Variants in MAP3K20 observed in about 807,000 individuals in gnomAD.
MAP3K20 encodes the protein mitogen-activated protein kinase kinase kinase 20.
A neutral mutation model predicts 85.7 loss-of-function variants in MAP3K20; 40 were observed. The ratio of observed to expected loss-of-function variants is 0.47; its 90% CI spans 0.36 to 0.61. MAP3K20 has a LOEUF of 0.61. MAP3K20 is among the 20% of genes least tolerant of loss of function. The pLI is 0.00. For synonymous variants in MAP3K20, 325 were observed against 327.7 expected (o/e 0.99, Z 0.09); for missense variants, 817 against 961.7 (o/e 0.85, Z 1.99).
intron 2 of MAP3K20, among the ~76,000 whole-genome samples, chr2:173,133,820 TA>T (rs796823000): frequency 1.6e-3 from 229 of 141,706 alleles, no homozygotes; most frequent in East Asian, 6.3e-3. Flanking sequence ...CCATCTCTAC[TA>T]AAAAAAAAAA....
At chr2:173,159,546 C>T (rs191411340) in intron 2 of MAP3K20, among the ~76,000 whole-genome samples, 206 of 152,086 alleles carry the variant, frequency 1.4e-3, no homozygotes, top group African/African-American at 4.4e-3. Flanking sequence ...CATGCCACTA[C>T]GCCTGGCTAA....
At chr2:173,083,429 C>CTG (rs1317260245) in intron 1 of MAP3K20, among the ~76,000 whole-genome samples, 3 of 152,058 alleles carry the variant, frequency 2.0e-5, no homozygotes, top group African/African-American at 7.2e-5. Flanking sequence ...TCATAGCTCA[C>CTG]TGCAGCCTCG....
intron 3 of MAP3K20, among the ~76,000 whole-genome samples, chr2:173,172,544 A>G (rs1438788239): frequency 6.6e-6 from 1 of 152,100 alleles, no homozygotes; most frequent in Non-Finnish European, 1.5e-5. Context: ...GAATGAAGGG[A>G]CTACAATACA....
intron 2 of MAP3K20, among the ~76,000 whole-genome samples, chr2:173,155,254 A>G (rs188855224): frequency 6.6e-6 from 1 of 152,150 alleles, no homozygotes; most frequent in Admixed American, 6.5e-5. Context: ...CTAATGTGAG[A>G]GTATTCATAG....
rs147398007 is a variant in MAP3K20 at position 173,248,465 on chromosome 2, C to T, written c.1359+8969C>T. The stretch of plus-strand genomic sequence containing the variant: ...TTTTAATTGAGCAAAGAAGCAAATG[C>T]AGTTCAGAATTTTACAACTGCATAA... On this transcript the variant is annotated intron_variant, in intron 16 of 19. Transcript: ENST00000375213. 1.3e-4 allele frequency among the ~76,000 whole-genome samples: 20 copies of T among 152,270 alleles called. 1 individual carries two copies. The East Asian group carries it at 3.9e-3, about 29-fold the overall frequency.
chr2:173,232,650 C>T (rs1272380326), intron 14 of MAP3K20, among the ~76,000 whole-genome samples, 191 bp downstream of exon 14: 3 of 152,174 alleles, frequency 2.0e-5, no homozygotes, highest in Admixed American at 6.5e-5. Context: ...ATTACAGAAG[C>T]GTGCCACCAC....
intron 2 of MAP3K20, among the ~76,000 whole-genome samples, chr2:173,119,912 T>C (rs1333848093): frequency 1.3e-5 from 2 of 152,138 alleles, no homozygotes; most frequent in Non-Finnish European, 2.9e-5. Flanking sequence ...ATCATAAAGT[T>C]AGCCTCTAAC....
At chr2:173,179,334 G>GTTC (rs1399964466) in intron 3 of MAP3K20, among the ~76,000 whole-genome samples, 2 of 150,670 alleles carry the variant, frequency 1.3e-5, no homozygotes, top group Non-Finnish European at 2.9e-5. Context: ...GGAGCTTGCA[G>GTTC]TGAGTCGAGT....
intron 9 of MAP3K20, among the ~76,000 whole-genome samples, chr2:173,204,398 C>T (rs1401384479): frequency 1.3e-5 from 2 of 152,322 alleles, no homozygotes; most frequent in South Asian, 2.1e-4. Context: ...CTCTTAACCA[C>T]TGCACTATTT....
intron 2 of MAP3K20, among the ~76,000 whole-genome samples, chr2:173,113,955 C>G (rs955913009): frequency 1.3e-5 from 2 of 151,928 alleles, no homozygotes; most frequent in African/African-American, 4.8e-5. Context: ...GACTTTCTGT[C>G]TTGATGACCT....
chr2:173,104,385 G>T (rs1258346233), intron 2 of MAP3K20, among the ~76,000 whole-genome samples: 1 of 152,142 alleles, frequency 6.6e-6, no homozygotes, highest in Non-Finnish European at 1.5e-5. Flanking sequence ...TGGCCCCAGT[G>T]CTCCTCAAGA....
chr2:173,155,726 G>A (rs921671034), intron 2 of MAP3K20, among the ~76,000 whole-genome samples: 2 of 152,164 alleles, frequency 1.3e-5, no homozygotes, highest in African/African-American at 2.4e-5. Flanking sequence ...GAACTTTAGG[G>A]TTTTGGCAAG....
chr2:173,191,010 G>GA, intron 6 of MAP3K20, 30 bp from the exon 7 acceptor site: 1 of 1,611,358 alleles, frequency 6.2e-7, no homozygotes, highest in East Asian at 2.2e-5. Context: ...CCAATAAGTA[G>GA]AAAGTTGACA....
chr2:173,182,783 G>T, intron 3 of MAP3K20, 71 bp from the exon 4 acceptor site: 1 of 1,079,614 alleles, frequency 9.3e-7, no homozygotes. Context: ...TTTTCTCAAT[G>T]AAAATATAAA....
chr2:173,080,868 A>G (rs1163599911), intron 1 of MAP3K20, among the ~76,000 whole-genome samples: 2 of 152,194 alleles, frequency 1.3e-5, no homozygotes, highest in South Asian at 2.1e-4. Context: ...CAAGGCCCCA[A>G]TACCCTTCTT....
At chr2:173,187,517 G>T in intron 4 of MAP3K20, 41 bp from the exon 5 acceptor site, 1 of 1,540,636 alleles carries the variant, frequency 6.5e-7, no homozygotes, top group Non-Finnish European at 8.8e-7. Flanking sequence ...ATGTAATGTT[G>T]AAAAATATTA....
chr2:173,224,752 T>C, intron 11 of MAP3K20: 1 of 985,424 alleles, frequency 1.0e-6, no homozygotes, highest in South Asian at 4.7e-5. Flanking sequence ...CCCTAAAATC[T>C]AAATCATATA....
At chr2:173,262,841 CT>C (rs1685328330) in intron 18 of MAP3K20, among the ~76,000 whole-genome samples, 1 of 152,192 alleles carries the variant, frequency 6.6e-6, no homozygotes, top group African/African-American at 2.4e-5. Context: ...ACTCTACAGC[CT>C]GTTAACTGGT....
chr2:173,232,502 T>C (rs1423257861), intron 14 of MAP3K20, 43 bp downstream of exon 14: 1 of 1,600,310 alleles, frequency 6.2e-7, no homozygotes, highest in East Asian at 2.2e-5. Flanking sequence ...AACCCTTTTT[T>C]TGTTTGTTTG....
Sources: gnomAD v4.1 joint callset for allele counts (sites outside exome capture counted in the v4.1 genomes callset) on GRCh38, gnomAD v4.1.1 for gene constraint, MANE v1.5 for transcripts, NCBI Gene and HGNC (gene_info 2026-07-23, HGNC 2026-07-21) for gene names.